The following ADAMTSL1 variants were observed in gnomAD, a reference collection of about 807,000 sequenced individuals.
ADAMTSL1 encodes ADAMTS-like protein 1.
A neutral mutation model predicts 201.8 loss-of-function variants in ADAMTSL1; 126 were observed. The observed-to-expected ratio is 0.62, with a 90% confidence interval of 0.54 to 0.72. The LOEUF (loss-of-function observed/expected upper bound fraction) is 0.72. Among genes scored for constraint, ADAMTSL1 ranks in the 30% least tolerant of loss-of-function variants. The pLI is 0.00. For missense variants in ADAMTSL1, 2,679 were observed against 2,277.8 expected (o/e 1.18, Z -3.59); for synonymous variants, 1,121 against 903.4 (o/e 1.24, Z -4.32).
At position 18,503,980 on chromosome 9, in the gene ADAMTSL1, A is replaced by ATGTGTGTGTGTGTGTGTG. The variant is rs57749719; in HGVS notation, c.64-840_64-823dup. On this transcript the variant is annotated intron_variant, in intron 1 of 28. Coordinates refer to ENST00000380548, the MANE Select transcript of ADAMTSL1 (RefSeq NM_001040272.6). ...ATCTTCCTATATAATATGTGCATGC[A>ATGTGTGTGTGTGTGTGTG]TGTGTGTGTGTGTGTGTGTGTGTGT... Among the ~76,000 whole-genome samples the ATGTGTGTGTGTGTGTGTG allele has an allele frequency of 1.3e-3, 195 of 148,142 alleles. 1 individual carries two copies. The highest frequency in any genetic ancestry group is 4.5e-3 in the African/African-American group (182 of 40,344).
At chr9:18,563,030 C>T (rs1023518425) in intron 3 of ADAMTSL1, among the ~76,000 whole-genome samples, 3 of 152,204 alleles carry the variant, frequency 2.0e-5, no homozygotes, top group Non-Finnish European at 4.4e-5. Context: ...ATACATCAAA[C>T]TCATTCCCCA....
At chr9:18,587,287 G>T (rs1485219684) in intron 4 of ADAMTSL1, among the ~76,000 whole-genome samples, 6 of 152,078 alleles carry the variant, frequency 3.9e-5, no homozygotes, top group Non-Finnish European at 8.8e-5. Context: ...ATTAAAAAGT[G>T]AGTAAAGGGC....
At chr9:18,870,889 C>T (rs1043574066) in intron 23 of ADAMTSL1, among the ~76,000 whole-genome samples, 1 of 152,064 alleles carries the variant, frequency 6.6e-6, no homozygotes, top group African/African-American at 2.4e-5. Flanking sequence ...AGCTAGACTC[C>T]TCAGTCAAGT....
intron 5 of ADAMTSL1, among the ~76,000 whole-genome samples, chr9:18,622,926 C>T (rs1293645130): frequency 6.6e-6 from 1 of 152,152 alleles, no homozygotes; most frequent in Non-Finnish European, 1.5e-5. Context: ...CTGAGTCTCT[C>T]ATTCTGTTGC....
chr9:18,035,480 C>T (rs531578228), intron 1 of ADAMTSL1, among the ~76,000 whole-genome samples: 6 of 152,198 alleles, frequency 3.9e-5, no homozygotes, highest in South Asian at 2.1e-4. Flanking sequence ...GAAAGCAGTC[C>T]GTTTACTTGG....
intron 27 of ADAMTSL1, among the ~76,000 whole-genome samples, chr9:18,906,126 A>G (rs1830297659): frequency 6.6e-6 from 1 of 152,108 alleles, no homozygotes. Flanking sequence ...GAAGAGTGCA[A>G]GGGTGTTATT....
intron 23 of ADAMTSL1, among the ~76,000 whole-genome samples, chr9:18,868,452 TAGTTA>T (rs1332410393): frequency 6.6e-6 from 1 of 152,048 alleles, no homozygotes; most frequent in African/African-American, 2.4e-5. Context: ...TTTCTTCTAT[TAGTTA>T]AGTTATTCAA....
intron 1 of ADAMTSL1, among the ~76,000 whole-genome samples, chr9:17,990,624 C>A (rs984827053): frequency 3.3e-5 from 5 of 152,024 alleles, no homozygotes; most frequent in African/African-American, 9.6e-5. Context: ...CTGGTTGTCA[C>A]GTTTAATTAT....
intron 2 of ADAMTSL1, among the ~76,000 whole-genome samples, chr9:18,432,464 C>A (rs1819537120): frequency 6.6e-6 from 1 of 152,114 alleles, no homozygotes; most frequent in Non-Finnish European, 1.5e-5. Context: ...CTAAAATAGT[C>A]ATATAGTAGA....
intron 23 of ADAMTSL1, among the ~76,000 whole-genome samples, chr9:18,865,413 G>A (rs1351829092): frequency 1.3e-5 from 2 of 152,144 alleles, no homozygotes; most frequent in Non-Finnish European, 2.9e-5. Flanking sequence ...GTGTATATGT[G>A]CCACATTTTC....
At chr9:18,022,825 C>T (rs1820534079) in intron 1 of ADAMTSL1, among the ~76,000 whole-genome samples, 2 of 152,070 alleles carry the variant, frequency 1.3e-5, no homozygotes, top group Admixed American at 1.3e-4. Flanking sequence ...AATATTTATT[C>T]AGCGCCTACT....
chr9:18,669,651 G>C (rs1829692138), intron 9 of ADAMTSL1, among the ~76,000 whole-genome samples: 1 of 152,152 alleles, frequency 6.6e-6, no homozygotes, highest in Admixed American at 6.5e-5. Context: ...GTCATGAAGT[G>C]TCACAGGAGG....
chr9:18,639,520 G>C, intron 7 of ADAMTSL1, 109 bp downstream of exon 7: 1 of 1,304,276 alleles, frequency 7.7e-7, no homozygotes, highest in East Asian at 2.4e-5. Context: ...TGGAAAGCCC[G>C]TTTGTTACCC....
At chr9:18,291,712 CTCTT>C (rs1174361219) in intron 2 of ADAMTSL1, among the ~76,000 whole-genome samples, 18 of 132,164 alleles carry the variant, frequency 1.4e-4, no homozygotes, top group African/African-American at 4.6e-4. Context: ...CTCTCTCTCT[CTCTT>C]TCTCTCTCTC....
intron 26 of ADAMTSL1, among the ~76,000 whole-genome samples, chr9:18,895,551 C>T (rs570368753): frequency 6.6e-6 from 1 of 152,164 alleles, no homozygotes; most frequent in African/African-American, 2.4e-5. Context: ...GGAGACTGAC[C>T]CTCTATGCAA....
intron 1 of ADAMTSL1, among the ~76,000 whole-genome samples, chr9:17,947,452 T>A (rs1431210289): frequency 2.0e-5 from 3 of 152,008 alleles, no homozygotes; most frequent in Non-Finnish European, 4.4e-5. Flanking sequence ...ATTTCTTAAT[T>A]TAGTAAAAAC....
At chr9:18,519,110 G>A (rs1399939353) in intron 2 of ADAMTSL1, among the ~76,000 whole-genome samples, 1 of 152,110 alleles carries the variant, frequency 6.6e-6, no homozygotes, top group Admixed American at 6.5e-5. Context: ...TACCCCCTGA[G>A]TCTCACCATG....
chr9:18,856,756 C>T (rs944381660), intron 23 of ADAMTSL1, among the ~76,000 whole-genome samples: 1 of 151,982 alleles, frequency 6.6e-6, no homozygotes, highest in African/African-American at 2.4e-5. Flanking sequence ...GTGTGCCTGG[C>T]CCAAGAAGGA....
intron 2 of ADAMTSL1, among the ~76,000 whole-genome samples, chr9:18,170,116 G>A (rs1274519700): frequency 6.6e-6 from 1 of 152,000 alleles, no homozygotes; most frequent in African/African-American, 2.4e-5. Context: ...TTATTTGCCT[G>A]TATTTTACAA....
Sources: gnomAD v4.1 joint callset for allele counts (sites outside exome capture counted in the v4.1 genomes callset) on GRCh38, gnomAD v4.1.1 for gene constraint, MANE v1.5 for transcripts, NCBI Gene and HGNC (gene_info 2026-07-23, HGNC 2026-07-21) for gene names.